GHR: variants seen among roughly 807,000 people sequenced by gnomAD.
GHR encodes GH receptor.
GHR carries 35 observed loss-of-function variants against 67.1 expected under a neutral mutation model. That is an observed-to-expected ratio of 0.52 (90% CI 0.40 to 0.69). The LOEUF (loss-of-function observed/expected upper bound fraction) is 0.69, where lower values mean the gene tolerates loss of function less well. Among genes scored for constraint, GHR ranks in the 30% least tolerant of loss-of-function variants. The pLI, the probability that GHR is intolerant of heterozygous loss-of-function variation, is 0.00. For missense variants in GHR, 792 were observed against 764.6 expected (o/e 1.04, Z -0.42); for synonymous variants, 272 against 269.1 (o/e 1.01, Z -0.10).
At chr5:42,534,357 T>C (rs895287815) in intron 1 of GHR, among the ~76,000 whole-genome samples, 6 of 140,968 alleles carry the variant, frequency 4.3e-5, no homozygotes, top group Non-Finnish European at 7.7e-5. Context: ...TATGTATATA[T>C]GTACATGTGT....
chr5:42,718,358 T>C lies in GHR; in HGVS notation c.946-95T>C, dbSNP rs1052526645. 1.2e-5 allele frequency: 12 copies of C among 973,446 alleles called. No individual in the cohort carries two copies. In the Admixed American group the frequency reaches 1.6e-4, roughly 13 times the overall value. 60.3% of individuals were successfully genotyped at this position (973,446 alleles called of 1,614,324 possible). A position where few individuals can be genotyped will look rare whatever the true frequency, so the allele number is the denominator to read the frequency against. On this transcript the variant is annotated intron_variant, in intron 9 of 9. Coordinates refer to ENST00000230882, the MANE Select transcript of GHR (RefSeq NM_000163.5). ...ATATGTTTTGTTACTGTTGTTCTTA[T>C]TGTAACCATAATTAATCTCTGAACA...
intron 1 of GHR, among the ~76,000 whole-genome samples, chr5:42,461,249 T>TGG: frequency 6.6e-6 from 1 of 152,218 alleles, no homozygotes; most frequent in East Asian, 1.9e-4. Context: ...AAACCCTATC[T>TGG]GTTTACCACA....
At chr5:42,526,323 T>G (rs549492815) in intron 1 of GHR, among the ~76,000 whole-genome samples, 2 of 152,336 alleles carry the variant, frequency 1.3e-5, no homozygotes, top group East Asian at 3.9e-4. Flanking sequence ...TTCAGTTTTA[T>G]GTAAGCTGAG....
intron 1 of GHR, among the ~76,000 whole-genome samples, chr5:42,461,334 G>C (rs1744480638): frequency 6.6e-6 from 1 of 152,128 alleles, no homozygotes; most frequent in Non-Finnish European, 1.5e-5. Flanking sequence ...GTTCTCCAAG[G>C]CTCTTAGAAT....
chr5:42,440,279 A>G (rs1242335366), intron 1 of GHR, among the ~76,000 whole-genome samples: 1 of 152,232 alleles, frequency 6.6e-6, no homozygotes, highest in East Asian at 1.9e-4. Flanking sequence ...AGTAATGTGA[A>G]ATAAACATAT....
intron 2 of GHR, among the ~76,000 whole-genome samples, chr5:42,616,605 T>C (rs1753163249): frequency 6.6e-6 from 1 of 151,030 alleles, no homozygotes. Context: ...CAGACTAAGA[T>C]AGAAATTTGG....
intron 1 of GHR, among the ~76,000 whole-genome samples, chr5:42,513,729 C>T (rs1435622219): frequency 6.6e-6 from 1 of 151,920 alleles, no homozygotes; most frequent in Non-Finnish European, 1.5e-5. Flanking sequence ...TTGTGGTGAG[C>T]CAAGATCGCG....
intron 1 of GHR, among the ~76,000 whole-genome samples, chr5:42,547,122 A>C (rs1403805246): frequency 2.6e-5 from 4 of 152,224 alleles, no homozygotes; most frequent in Admixed American, 6.5e-5. Flanking sequence ...AGTCATTGTC[A>C]ACTAAACTAT....
chr5:42,677,563 C>A (rs897183031), intron 3 of GHR, among the ~76,000 whole-genome samples: 2 of 152,116 alleles, frequency 1.3e-5, no homozygotes, highest in African/African-American at 2.4e-5. Flanking sequence ...CAGAAAATCA[C>A]CTCTGAACAG....
At chr5:42,435,258 C>T (rs2111922619) in intron 1 of GHR, among the ~76,000 whole-genome samples, 1 of 152,256 alleles carries the variant, frequency 6.6e-6, no homozygotes, top group Admixed American at 6.5e-5. Flanking sequence ...CCAGAAGAGT[C>T]CTGCTGGCCA....
chr5:42,550,599 C>T (rs548426134), intron 1 of GHR, among the ~76,000 whole-genome samples: 2 of 152,150 alleles, frequency 1.3e-5, no homozygotes, highest in Non-Finnish European at 2.9e-5. Context: ...GGAAGCAGAA[C>T]CACTTCACAC....
chr5:42,688,232 G>A (rs1046420052), intron 3 of GHR, among the ~76,000 whole-genome samples: 2 of 152,216 alleles, frequency 1.3e-5, no homozygotes, highest in African/African-American at 4.8e-5. Flanking sequence ...CATCACAACT[G>A]TCTATGGTGT....
At position 42,424,962 on chromosome 5, in the gene GHR, G is replaced by T. The variant is rs565648038; in HGVS notation, c.-12+1007G>T. 1 of 982,706 alleles carries T rather than the reference G, an allele frequency of 1.0e-6. No individual in the cohort carries two copies. Among genetic ancestry groups the T allele is most frequent in the Admixed American group, 6.1e-5 (1 of 16,290 alleles). The allele number at this position is 982,706 out of a possible 1,614,324, so 60.9% of individuals were successfully genotyped here. ...GTGTCGGCGCCTGAGCCAGTAGGGTGTGCAGGGTGGAAGAGGCCACAGAGG... is the reference window on the plus strand; with the variant it reads ...GTGTCGGCGCCTGAGCCAGTAGGGTTTGCAGGGTGGAAGAGGCCACAGAGG... On this transcript the variant is annotated intron_variant, in intron 1 of 9. Transcript: ENST00000230882. The surrounding 1 kb of genome is among the most constrained non-coding windows in gnomAD (Gnocchi z 4.1).
chr5:42,571,419 A>G lies in GHR; in HGVS notation c.70+5475A>G, dbSNP rs78187754. On this transcript the variant is annotated intron_variant, in intron 2 of 9. Transcript: ENST00000230882. ...GTAGTCTCTGGACATGTGTGACTCT[A>G]TCCCAAAACCTTGACAATCCCCCAG... Among the ~76,000 whole-genome samples the G allele has an allele frequency of 0.012, 1,842 of 152,284 alleles. 82 individuals carry two copies. The East Asian group carries it at 0.14, about 12-fold the overall frequency.
At chr5:42,696,066 C>G (rs6414898) in intron 5 of GHR, among the ~76,000 whole-genome samples, 116,778 of 152,158 alleles carry the variant, frequency 0.77, 45,115 homozygotes, top group East Asian at 1. Flanking sequence ...CCTAACATCA[C>G]TGGGTATAGC....
chr5:42,573,947 G>A (rs532761204), intron 2 of GHR, among the ~76,000 whole-genome samples: 640 of 130,428 alleles, frequency 4.9e-3, no homozygotes, highest in African/African-American at 0.022. Flanking sequence ...AAATATTAAC[G>A]GATTCACCTT....
intron 1 of GHR, among the ~76,000 whole-genome samples, chr5:42,552,582 A>G (rs1749092821): frequency 6.6e-6 from 1 of 152,238 alleles, no homozygotes; most frequent in African/African-American, 2.4e-5. Flanking sequence ...ATTAGACTCT[A>G]GGGGCCTGAT....
At chr5:42,566,503 T>A (rs1749948449) in intron 2 of GHR, among the ~76,000 whole-genome samples, 1 of 152,214 alleles carries the variant, frequency 6.6e-6, no homozygotes, top group Non-Finnish European at 1.5e-5. Context: ...TCCCCATCTC[T>A]ATAATTCTCC....
At chr5:42,483,530 A>T (rs145272122) in intron 1 of GHR, among the ~76,000 whole-genome samples, 2 of 152,268 alleles carry the variant, frequency 1.3e-5, no homozygotes, top group East Asian at 3.9e-4. Context: ...TTTCTTCACA[A>T]CATCCAAAAT....
Sources: allele counts gnomAD v4.1 joint callset (sites outside exome capture counted in the v4.1 genomes callset), GRCh38; gene constraint gnomAD v4.1.1; non-coding constraint Gnocchi (gnomAD v3.1); transcripts MANE v1.5; gene names NCBI Gene and HGNC (gene_info 2026-07-23, HGNC 2026-07-21).